Variants in TBC1D19 observed in about 807,000 individuals in gnomAD.
The protein encoded by TBC1D19 is TBC1 domain family member 19, also known as TBC1 domain family, member 19.
TBC1D19 carries 60 observed loss-of-function variants against 89.0 expected under a neutral mutation model. The observed-to-expected ratio is 0.67, with a 90% CI of 0.55 to 0.84. The LOEUF (loss-of-function observed/expected upper bound fraction) is 0.84. Among genes scored for constraint, TBC1D19 ranks in the 40% least tolerant of loss-of-function variants. TBC1D19 has a pLI of 0.00. For missense variants in TBC1D19, 500 were observed against 610.8 expected (o/e 0.82, Z 1.91); for synonymous variants, 189 against 199.7 (o/e 0.95, Z 0.45).
At chr4:26,578,386 A>G (rs1280545027) in intron 1 of TBC1D19, among the ~76,000 whole-genome samples, 1 of 152,192 alleles carries the variant, frequency 6.6e-6, no homozygotes, top group African/African-American at 2.4e-5. Context: ...TCAAGGACCA[A>G]TATTGCAGCC....
At chr4:26,705,570 G>A (rs752003218) in intron 13 of TBC1D19, among the ~76,000 whole-genome samples, 4 of 152,104 alleles carry the variant, frequency 2.6e-5, no homozygotes, top group Non-Finnish European at 5.9e-5. Flanking sequence ...ATGGGAGAAA[G>A]GACAAGCACA....
chr4:26,754,977 A>G lies in TBC1D19; in HGVS notation c.*30A>G, dbSNP rs778916715. On this transcript the variant is annotated 3_prime_UTR_variant, in exon 21 of 21. Transcript: ENST00000264866. The stretch of plus-strand genomic sequence containing the variant: ...CTTCACAGTCACTGGCAACACATCT[A>G]GTTTTTCATTAGAAACAAATCATGA... 32 of 1,574,948 alleles carry G rather than the reference A, an allele frequency of 2.0e-5. No individual in the cohort carries two copies. Among genetic ancestry groups the G allele is most frequent in the Non-Finnish European group, 2.4e-5 (28 of 1,163,636 alleles).
intron 17 of TBC1D19, among the ~76,000 whole-genome samples, chr4:26,741,423 T>A (rs1198729331): frequency 6.6e-6 from 1 of 150,460 alleles, no homozygotes; most frequent in African/African-American, 2.4e-5. Context: ...GTTCTAAGTA[T>A]CATATTTCTA....
At chr4:26,579,771 G>A (rs1356148839), upstream of TBC1D19, among the ~76,000 whole-genome samples, 1 of 151,026 alleles carries the variant, frequency 6.6e-6, no homozygotes, top group Non-Finnish European at 1.5e-5. Context: ...TTGGTTTTCT[G>A]TTCCTGTGTT....
In TBC1D19 at chr4:26,576,925, C is replaced by T. The variant is rs1738986943; in HGVS notation, c.6+128C>T. 9 of 449,928 alleles carry T rather than the reference C, an allele frequency of 2.0e-5. No homozygotes were observed. In the Admixed American group the frequency reaches 2.1e-4, roughly 11 times the overall value. The allele number at this position is 449,928 out of a possible 1,614,324, so 27.9% of individuals were successfully genotyped here. A position where few individuals can be genotyped will look rare whatever the true frequency, so the allele number is the denominator to read the frequency against. On this transcript the variant is annotated intron_variant, in intron 1 of 12. Coordinates refer to the TBC1D19 transcript ENST00000512840. ...TATGGCGCCCAGTTGTTTGGTCAAA[C>T]AGTAATCTAGGTGTTGCTATAAAGG...
the TBC1D19 span, among the ~76,000 whole-genome samples, chr4:26,842,583 C>CCTTTCTTTCTTTCTTT: frequency 1.7e-3 from 119 of 70,602 alleles, no homozygotes; most frequent in South Asian, 5.7e-3. Context: ...TTCCTCCCTC[C>CCTTTCTTTCTTTCTTT]CTTTCTTTCT....
At chr4:26,834,709 G>A in the TBC1D19 span, among the ~76,000 whole-genome samples, 13 of 152,198 alleles carry the variant, frequency 8.5e-5, no homozygotes, top group African/African-American at 2.6e-4. Context: ...CTTCTTCATA[G>A]GATTCTCTCC....
chr4:26,771,990 C>T, the TBC1D19 span, among the ~76,000 whole-genome samples: 2 of 152,004 alleles, frequency 1.3e-5, no homozygotes, highest in Non-Finnish European at 2.9e-5. Context: ...AACCTCTATC[C>T]AGACTGATTA....
At chr4:26,715,824 T>C (rs1362737840) in intron 13 of TBC1D19, among the ~76,000 whole-genome samples, 4 of 152,080 alleles carry the variant, frequency 2.6e-5, no homozygotes, top group African/African-American at 7.2e-5. Flanking sequence ...AGTTAGTCCT[T>C]CATTCCTAGA....
chr4:26,787,481 G>C, the TBC1D19 span, among the ~76,000 whole-genome samples: 1 of 152,102 alleles, frequency 6.6e-6, no homozygotes, highest in Admixed American at 6.6e-5. Context: ...CCTGAAGAAA[G>C]GACCGGATGG....
the TBC1D19 span, among the ~76,000 whole-genome samples, chr4:26,832,171 C>A: frequency 2.0e-5 from 3 of 152,158 alleles, no homozygotes; most frequent in Non-Finnish European, 4.4e-5. Flanking sequence ...AAACTATATT[C>A]TTTAAACTAT....
At chr4:26,837,777 C>T in the TBC1D19 span, among the ~76,000 whole-genome samples, 4 of 151,790 alleles carry the variant, frequency 2.6e-5, no homozygotes, top group Non-Finnish European at 5.9e-5. Flanking sequence ...ATGTGGGGTG[C>T]GGGTGAGTCT....
chr4:26,735,585 T>G, intron 16 of TBC1D19, 98 bp downstream of exon 16: 5 of 1,128,818 alleles, frequency 4.4e-6, no homozygotes, highest in Non-Finnish European at 6.0e-6. Context: ...TGTTTTACTA[T>G]AGTAAAACAA....
At chr4:26,593,952 A>T (rs1740010651) in intron 1 of TBC1D19, among the ~76,000 whole-genome samples, 1 of 152,188 alleles carries the variant, frequency 6.6e-6, no homozygotes. Flanking sequence ...GGGATCTAGA[A>T]CTAGAAATAC....
the TBC1D19 span, among the ~76,000 whole-genome samples, chr4:26,823,755 A>G: frequency 6.6e-6 from 1 of 152,230 alleles, no homozygotes; most frequent in South Asian, 2.1e-4. Flanking sequence ...ACTTGCAACC[A>G]CAAGAGTCCT....
intron 16 of TBC1D19, among the ~76,000 whole-genome samples, chr4:26,738,541 G>A (rs368528437): frequency 6.6e-6 from 1 of 151,714 alleles, no homozygotes; most frequent in Middle Eastern, 3.7e-3. Flanking sequence ...TTTATAAGTA[G>A]CAATTTATTT....
chr4:26,762,994 G>A, the TBC1D19 span, among the ~76,000 whole-genome samples: 9 of 152,248 alleles, frequency 5.9e-5, no homozygotes, highest in South Asian at 1.5e-3. Flanking sequence ...TCCTATGTGG[G>A]TCATAGTTTG....
upstream of TBC1D19, among the ~76,000 whole-genome samples, chr4:26,583,315 A>G (rs1415090573): frequency 6.6e-6 from 1 of 152,224 alleles, no homozygotes; most frequent in Non-Finnish European, 1.5e-5. Context: ...GGCAAGAACC[A>G]TATTTTATTA....
chr4:26,583,843 A>G (rs1357076658), upstream of TBC1D19: 1 of 280,338 alleles, frequency 3.6e-6, no homozygotes, highest in Non-Finnish European at 7.0e-6. Flanking sequence ...TTTATATAGT[A>G]AAACGCACAA....
Sources: gnomAD v4.1 joint callset for allele counts (sites outside exome capture counted in the v4.1 genomes callset) on GRCh38, gnomAD v4.1.1 for gene constraint, MANE v1.5 for transcripts, NCBI Gene and HGNC (gene_info 2026-07-23, HGNC 2026-07-21) for gene names.